Variants in DCAF8L2 observed in about 807,000 individuals in gnomAD.
DCAF8L2 encodes DDB1 and CUL4 associated factor 8 like 2.
For synonymous variants in DCAF8L2, 200 were observed against 190.9 expected, an observed-to-expected ratio of 1.05 and a Z score of -0.39; for missense variants, 430 against 490.7, an observed-to-expected ratio of 0.88 and a Z score of 1.17.
chrX:27,535,693 G>T, the DCAF8L2 span, among the ~76,000 whole-genome samples: 1 of 111,721 alleles, frequency 9.0e-6, no homozygotes, highest in Admixed American at 9.6e-5. Context: ...GTTCTGCTGA[G>T]ATACCATTGG....
At chrX:27,690,559 T>TAAAAA (rs770344750) in intron 3 of DCAF8L2, among the ~76,000 whole-genome samples, 6 of 111,189 alleles carry the variant, frequency 5.4e-5, no homozygotes, top group South Asian at 3.9e-4. Context: ...CAGATCTTTT[T>TAAAAA]AAGGTGATCT....
chrX:27,608,083 C>T (rs1444098315), intron 1 of DCAF8L2, among the ~76,000 whole-genome samples: 3 of 111,142 alleles, frequency 2.7e-5, no homozygotes, highest in African/African-American at 6.5e-5. Flanking sequence ...TTAGAGATAA[C>T]GATTTAATTT....
chrX:27,698,317 A>G lies in DCAF8L2; in HGVS notation c.-142-17771A>G, dbSNP rs1253384982. On this transcript the variant is annotated intron_variant, in intron 3 of 4. Coordinates refer to ENST00000451261, the MANE Select transcript of DCAF8L2 (RefSeq NM_001353450.2). ...CCTTTTCTGTCTTGATTTGTCTCCC[A>G]GCATAGAGGCCAAAAATATCAGATA... 4.5e-5 allele frequency among the ~76,000 whole-genome samples: 5 copies of G among 111,577 alleles called. No homozygotes were observed. The East Asian group carries it at 1.4e-3, about 32-fold the overall frequency.
chrX:27,477,138 A>C, the DCAF8L2 span, among the ~76,000 whole-genome samples: 5 of 112,309 alleles, frequency 4.5e-5, no homozygotes, highest in Non-Finnish European at 9.4e-5. Flanking sequence ...GATGTATACT[A>C]TACCACCTCC....
chrX:27,545,147 G>A, the DCAF8L2 span, among the ~76,000 whole-genome samples: 383 of 111,566 alleles, frequency 3.4e-3, 1 homozygote, highest in African/African-American at 0.011. Context: ...TAGCTAAGGT[G>A]CATGAACTAA....
chrX:27,667,815 C>A (rs933275895), intron 2 of DCAF8L2, among the ~76,000 whole-genome samples: 2 of 111,888 alleles, frequency 1.8e-5, no homozygotes, highest in South Asian at 7.4e-4. Context: ...TAATCATTAC[C>A]ATACTGATTA....
chrX:27,497,001 A>G, the DCAF8L2 span, among the ~76,000 whole-genome samples: 2 of 112,037 alleles, frequency 1.8e-5, no homozygotes, highest in African/African-American at 6.5e-5. Context: ...TGAAAAGACA[A>G]AGTTTCAGGA....
At chrX:27,660,959 ATG>A (rs1220976940) in intron 2 of DCAF8L2, among the ~76,000 whole-genome samples, 1 of 111,896 alleles carries the variant, frequency 8.9e-6, no homozygotes, top group African/African-American at 3.3e-5. Flanking sequence ...ATGTAGGAAG[ATG>A]TCAGTGTGGA....
chrX:27,607,168 A>C (rs777618365), intron 1 of DCAF8L2, among the ~76,000 whole-genome samples: 18 of 112,125 alleles, frequency 1.6e-4, no homozygotes, highest in African/African-American at 5.5e-4. Context: ...TTTATAAATT[A>C]TAACAAAATA....
chrX:27,723,166 C>T (rs1327975899), intron 4 of DCAF8L2, among the ~76,000 whole-genome samples: 1 of 108,789 alleles, frequency 9.2e-6, no homozygotes, highest in Non-Finnish European at 1.9e-5. Context: ...ATGTCCATTC[C>T]CCCAAAGTTA....
rs1280372402 is a variant in DCAF8L2, at chrX:27,748,895, G to A, written c.*104G>A. ...CAATAGATTAATAGATTTGCTTTTTGTCTTCTATTTTCCATAATATATGCT... is the reference window on the plus strand; with the variant it reads ...CAATAGATTAATAGATTTGCTTTTTATCTTCTATTTTCCATAATATATGCT... On this transcript the variant is annotated 3_prime_UTR_variant, in exon 5 of 5. Transcript: ENST00000451261. The A allele has an allele frequency of 1.0e-6, 1 of 965,053 alleles. No homozygotes were observed. The highest frequency in any genetic ancestry group is 1.4e-6 in the Non-Finnish European group (1 of 729,137). The allele number at this position is 965,053 out of a possible 1,213,427, so 79.5% of individuals were successfully genotyped here. A position where few individuals can be genotyped will look rare whatever the true frequency, so the allele number is the denominator to read the frequency against.
intron 2 of DCAF8L2, among the ~76,000 whole-genome samples, chrX:27,667,328 A>T (rs938102935): frequency 8.9e-6 from 1 of 111,935 alleles, no homozygotes; most frequent in Non-Finnish European, 1.9e-5. Context: ...GTTAAGCTAC[A>T]ACTAGGTTAG....
chrX:27,516,291 A>G, the DCAF8L2 span, among the ~76,000 whole-genome samples: 1 of 111,813 alleles, frequency 8.9e-6, no homozygotes, highest in South Asian at 3.7e-4. Flanking sequence ...CTAAAATTAT[A>G]ATTTCTAAAA....
At chrX:27,738,437 A>G (rs1302616366) in intron 4 of DCAF8L2, among the ~76,000 whole-genome samples, 1 of 110,969 alleles carries the variant, frequency 9.0e-6, no homozygotes, top group African/African-American at 3.3e-5. Context: ...TGCCATTTCC[A>G]TCTTCTTCCT....
chrX:27,609,808 A>G (rs1443050584), intron 1 of DCAF8L2, among the ~76,000 whole-genome samples: 1 of 111,935 alleles, frequency 8.9e-6, no homozygotes, highest in Non-Finnish European at 1.9e-5. Flanking sequence ...AAATAATAGA[A>G]TTCTGGCACC....
chrX:27,683,469 T>C (rs1245398314), intron 3 of DCAF8L2, among the ~76,000 whole-genome samples: 1 of 112,692 alleles, frequency 8.9e-6, no homozygotes, highest in Admixed American at 9.4e-5. Flanking sequence ...TTCATCAGCA[T>C]ACACAGTAGT....
intron 3 of DCAF8L2, among the ~76,000 whole-genome samples, chrX:27,712,883 A>G (rs6526707): frequency 0.052 from 5,788 of 112,033 alleles, 360 homozygotes; most frequent in African/African-American, 0.18. Flanking sequence ...GTCTGTTTCT[A>G]TAGAGATAGA....
the DCAF8L2 span, among the ~76,000 whole-genome samples, chrX:27,497,505 T>TTCCTTCCTTCCTTCC: frequency 3.3e-3 from 77 of 23,500 alleles, no homozygotes; most frequent in Middle Eastern, 0.016. Flanking sequence ...TTATTCTTTC[T>TTCCTTCCTTCCTTCC]TTCTTTCCTT....
intron 1 of DCAF8L2, among the ~76,000 whole-genome samples, chrX:27,601,914 G>A (rs1926660866): frequency 9.0e-6 from 1 of 111,333 alleles, no homozygotes; most frequent in African/African-American, 3.3e-5. Flanking sequence ...CAAAGAAACT[G>A]CAGTTCAGGA....
Sources: allele counts gnomAD v4.1 joint callset (sites outside exome capture counted in the v4.1 genomes callset), GRCh38; gene constraint gnomAD v4.1.1; transcripts MANE v1.5; gene names NCBI Gene and HGNC (gene_info 2026-07-23, HGNC 2026-07-21).